The following P2RX3 variants were observed in gnomAD, a reference collection of about 807,000 sequenced individuals.
P2RX3 encodes the protein P2X purinoceptor 3.
A neutral mutation model predicts 51.5 loss-of-function variants in P2RX3; 41 were observed. The observed-to-expected ratio is 0.80, with a 90% CI of 0.62 to 1.03. P2RX3 has a LOEUF of 1.03. Among genes scored for constraint, P2RX3 ranks in the 50% least tolerant of loss-of-function variants. P2RX3 has a pLI of 0.00. For missense variants in P2RX3, 459 were observed against 522.1 expected (o/e 0.88, Z 1.18); for synonymous variants, 185 against 191.6 (o/e 0.97, Z 0.29).
upstream of P2RX3, among the ~76,000 whole-genome samples, chr11:57,336,128 G>A (rs1388095646): frequency 2.0e-5 from 3 of 152,152 alleles, no homozygotes; most frequent in Non-Finnish European, 2.9e-5. Context: ...TAGTACAGGG[G>A]TGGGGTGGGG....
intron 8 of P2RX3, among the ~76,000 whole-genome samples, chr11:57,364,881 T>C (rs897978680): frequency 6.6e-6 from 1 of 152,152 alleles, no homozygotes; most frequent in Non-Finnish European, 1.5e-5. Context: ...CAAGGTCCAC[T>C]CTCATTCTTA....
intron 8 of P2RX3, among the ~76,000 whole-genome samples, chr11:57,353,521 A>C (rs1856579944): frequency 6.6e-6 from 1 of 152,198 alleles, no homozygotes. Flanking sequence ...CAGAAAAAAA[A>C]GCATGCCTAT....
intron 1 of P2RX3, chr11:57,340,659 G>A (rs1341658002): frequency 6.6e-6 from 1 of 152,344 alleles, no homozygotes; most frequent in East Asian, 1.9e-4. Flanking sequence ...TACAGCGGAA[G>A]GCAAGAGATG....
upstream of P2RX3, among the ~76,000 whole-genome samples, chr11:57,337,852 A>G (rs1299411524): frequency 6.6e-6 from 1 of 152,240 alleles, no homozygotes; most frequent in Admixed American, 6.5e-5. Context: ...AAAAGAAAAC[A>G]AAACAAAAAA....
intron 8 of P2RX3, among the ~76,000 whole-genome samples, chr11:57,358,003 G>GT (rs1348687670): frequency 6.6e-6 from 1 of 152,166 alleles, no homozygotes; most frequent in Non-Finnish European, 1.5e-5. Flanking sequence ...TGCTGTAACA[G>GT]TTACGTGTCC....
intron 8 of P2RX3, among the ~76,000 whole-genome samples, chr11:57,364,838 G>T (rs950928353): frequency 6.6e-6 from 1 of 151,946 alleles, no homozygotes; most frequent in South Asian, 2.1e-4. Flanking sequence ...GCCCTCTTCC[G>T]GATAAGTGGT....
At chr11:57,368,215 C>A in intron 9 of P2RX3, 113 bp downstream of exon 9, 1 of 1,315,318 alleles carries the variant, frequency 7.6e-7, no homozygotes, top group South Asian at 1.2e-5. Context: ...CCAGCTTTGA[C>A]ACCCTCAGTG....
rs1208344694 is a variant in P2RX3, at chr11:57,347,078, CTG to C, written c.256-36_256-35del. ...ATAGTCCCTGTCTCACTGATTGGGA[CTG>C]TTGGATGTTTTTCTCTCCCTTCTTC... On this transcript the variant is annotated intron_variant, in intron 2 of 11. Transcript: ENST00000263314. 4 of 1,569,880 alleles carry C rather than the reference CTG, an allele frequency of 2.5e-6. No homozygotes were observed. The African/African-American group carries it at 5.4e-5, about 21-fold the overall frequency.
rs1856874093 is a variant in P2RX3, at chr11:57,370,796, C to A, written c.*799C>A. On this transcript the variant is annotated 3_prime_UTR_variant, in exon 12 of 12. Transcript: ENST00000263314. ...GGTCATTCTTGTTCTTCTCTGGGAC[C>A]CCACACCCACACACATCTGGGCCCC... Among the ~76,000 whole-genome samples, 1 of 152,306 alleles carries A rather than the reference C, an allele frequency of 6.6e-6. No homozygotes were observed. Among genetic ancestry groups the A allele is most frequent in the Non-Finnish European group, 1.5e-5 (1 of 68,016 alleles).
At chr11:57,364,030 G>A (rs754024723) in intron 8 of P2RX3, among the ~76,000 whole-genome samples, 5 of 152,176 alleles carry the variant, frequency 3.3e-5, no homozygotes, top group Admixed American at 6.5e-5. Flanking sequence ...CACTTTGAAC[G>A]GCAGTGCCCA....
intron 8 of P2RX3, among the ~76,000 whole-genome samples, chr11:57,365,719 G>A (rs777211828): frequency 6.6e-6 from 1 of 152,170 alleles, no homozygotes; most frequent in Non-Finnish European, 1.5e-5. Context: ...ATTAACAAGT[G>A]GGGGAGCCAG....
chr11:57,366,596 C>T (rs75237760), intron 8 of P2RX3, among the ~76,000 whole-genome samples: 1 of 152,148 alleles, frequency 6.6e-6, no homozygotes, highest in South Asian at 2.1e-4. Flanking sequence ...AATCACATGC[C>T]TATCTATAAT....
chr11:57,369,813 G>A, intron 11 of P2RX3, 71 bp from the exon 12 acceptor site: 2 of 1,138,672 alleles, frequency 1.8e-6, no homozygotes, highest in Non-Finnish European at 2.6e-6. Context: ...TGCTGAGTCT[G>A]TCAAATGGGG....
chr11:57,368,178 C>T (rs1856825528), intron 9 of P2RX3, 76 bp downstream of exon 9: 1 of 1,478,520 alleles, frequency 6.8e-7, no homozygotes, highest in South Asian at 1.1e-5. Context: ...GAAAAAGCTC[C>T]TCTGGGGGGC....
chr11:57,366,157 A>G (rs1856793940), intron 8 of P2RX3, among the ~76,000 whole-genome samples: 1 of 152,220 alleles, frequency 6.6e-6, no homozygotes, highest in African/African-American at 2.4e-5. Context: ...AGTAGCCCAA[A>G]GAGATGACAC....
chr11:57,368,108 T>A lies in P2RX3; in HGVS notation c.936+6T>A, dbSNP rs748412796. The A allele has an allele frequency of 4.3e-6, 7 of 1,613,532 alleles. No homozygotes were observed. The South Asian group carries it at 7.7e-5, about 18-fold the overall frequency. ...ACGTGCTGGTATACGGGAATGTGAGTCCATGGGCCAGGCAGATGGGGTGGA... is the reference window on the plus strand; with the variant it reads ...ACGTGCTGGTATACGGGAATGTGAGACCATGGGCCAGGCAGATGGGGTGGA... On this transcript the variant is annotated splice_donor_region_variant and intron_variant, in intron 9 of 11. Transcript: ENST00000263314.
At chr11:57,349,972 GGCCGGCACTGGCCAGGA>G in intron 7 of P2RX3, 74 bp downstream of exon 7, 1 of 1,578,250 alleles carries the variant, frequency 6.3e-7, no homozygotes, top group Non-Finnish European at 8.6e-7. Context: ...AGGGCCCTTT[GGCCGGCACTGGCCAGGA>G]GCCGCCGCGA....
chr11:57,362,300 G>C (rs961509250), intron 8 of P2RX3, among the ~76,000 whole-genome samples: 2 of 152,126 alleles, frequency 1.3e-5, no homozygotes, highest in Non-Finnish European at 2.9e-5. Context: ...AGGTGGACTG[G>C]GCCAGGTCGG....
intron 5 of P2RX3, 113 bp from the exon 6 acceptor site, chr11:57,348,514 C>A: frequency 1.1e-6 from 1 of 884,406 alleles, no homozygotes; most frequent in Non-Finnish European, 1.8e-6. Context: ...TGCCCTTTAT[C>A]TATAAGAGGT....
Sources: gnomAD v4.1 joint callset for allele counts (sites outside exome capture counted in the v4.1 genomes callset) on GRCh38, gnomAD v4.1.1 for gene constraint, MANE v1.5 for transcripts, NCBI Gene and HGNC (gene_info 2026-07-23, HGNC 2026-07-21) for gene names.